The following DACH2 variants were observed in gnomAD, a reference collection of about 807,000 sequenced individuals.
DACH2 encodes dachshund family transcription factor 2.
A neutral mutation model predicts 35.8 loss-of-function variants in DACH2; 17 were observed. The ratio of observed to expected loss-of-function variants is 0.48; its 90% CI spans 0.33 to 0.71. The LOEUF is 0.71. DACH2 is among the 30% of genes least tolerant of loss of function. The probability of loss-of-function intolerance (pLI) is 0.02; values close to 1 mark genes in which losing one functional copy is unlikely to be tolerated. For missense variants in DACH2, 469 were observed against 472.7 expected (o/e 0.99, Z 0.07); for synonymous variants, 195 against 177.3 (o/e 1.10, Z -0.79).
chrX:86,763,382 G>T (rs1409251492), intron 7 of DACH2, among the ~76,000 whole-genome samples: 2 of 112,456 alleles, frequency 1.8e-5, no homozygotes, highest in Non-Finnish European at 3.8e-5. Flanking sequence ...TATACTTTAT[G>T]ATTTCAATTA....
intron 2 of DACH2, among the ~76,000 whole-genome samples, chrX:86,497,220 G>A (rs746527163): frequency 2.5e-4 from 28 of 111,815 alleles, no homozygotes; most frequent in African/African-American, 8.8e-4. Context: ...GAGTATGAGA[G>A]ATCACCAGCA....
chrX:86,572,031 T>A (rs189026012), intron 3 of DACH2, among the ~76,000 whole-genome samples: 93 of 111,094 alleles, frequency 8.4e-4, no homozygotes, highest in African/African-American at 3.0e-3. Context: ...TTTAAAAAAA[T>A]TCAAAGTTCA....
chrX:86,274,620 G>C (rs1284663185), intron 1 of DACH2, among the ~76,000 whole-genome samples: 3 of 105,504 alleles, frequency 2.8e-5, no homozygotes, highest in East Asian at 6.1e-4. Flanking sequence ...TCAGCCTCTC[G>C]AGTAGCTGGG....
At chrX:86,691,614 A>G (rs1328488178) in intron 4 of DACH2, among the ~76,000 whole-genome samples, 1 of 111,710 alleles carries the variant, frequency 9.0e-6, no homozygotes, top group African/African-American at 3.3e-5. Flanking sequence ...GTTACCAAGC[A>G]TGAACTCGCA....
intron 1 of DACH2, among the ~76,000 whole-genome samples, chrX:86,324,664 C>T (rs754644854): frequency 4.8e-4 from 49 of 102,357 alleles, no homozygotes; most frequent in Middle Eastern, 5.0e-3. Flanking sequence ...CTGCAAGCTC[C>T]GCCTCCCGGG....
rs143498519 is a variant in DACH2, at chrX:86,384,880, C to T, written c.527+8018C>T. Among the ~76,000 whole-genome samples, 434 of 111,405 alleles carry T rather than the reference C, an allele frequency of 3.9e-3. 1 individual carries two copies. The highest frequency in any genetic ancestry group is 9.4e-3 in the Middle Eastern group (2 of 213). On this transcript the variant is annotated intron_variant, in intron 2 of 11. Transcript: ENST00000373125. ...AAAGCTGTTAAAACATATAAAACAT[C>T]GAAGCCTGTTAATAACAGCAGCCAC... is the stretch of plus-strand genomic sequence containing the variant.
intron 5 of DACH2, among the ~76,000 whole-genome samples, chrX:86,698,645 A>ACCC (rs2041102238): frequency 1.0e-5 from 1 of 99,426 alleles, no homozygotes; most frequent in Admixed American, 1.1e-4. Flanking sequence ...CTCTCAACTA[A>ACCC]CCCCCTCCAT....
chrX:86,244,432 T>C (rs186704619), intron 1 of DACH2, among the ~76,000 whole-genome samples: 1,368 of 111,993 alleles, frequency 0.012, 30 homozygotes, highest in African/African-American at 0.042. Flanking sequence ...GAAGGAAGAA[T>C]AGAAGACAGA....
intron 1 of DACH2, among the ~76,000 whole-genome samples, chrX:86,283,174 A>G (rs955494586): frequency 9.1e-6 from 1 of 109,701 alleles, no homozygotes; most frequent in African/African-American, 3.3e-5. Flanking sequence ...CAAAACCACA[A>G]TGAAATACCA....
At position 86,278,905 on chromosome X, in the gene DACH2, A is replaced by G. The variant is rs751099940; in HGVS notation, c.489-97919A>G. On this transcript the variant is annotated intron_variant, in intron 1 of 11. Transcript: ENST00000373125. The stretch of plus-strand genomic sequence containing the variant: ...GTCTTGAGTAGGCAGTTTTCCCCTC[A>G]CAGTGTAAACAAAGCCTCCAGAAAG... 3.8e-3 allele frequency among the ~76,000 whole-genome samples: 421 copies of G among 111,934 alleles called. 1 individual carries two copies. The highest frequency in any genetic ancestry group is 5.3e-3 in the Non-Finnish European group (281 of 53,137).
intron 2 of DACH2, among the ~76,000 whole-genome samples, chrX:86,401,718 A>C (rs867298071): frequency 7.9e-5 from 7 of 88,831 alleles, no homozygotes; most frequent in Middle Eastern, 5.0e-3. Flanking sequence ...AGACAGTGAC[A>C]AAAAAAAAAA....
chrX:86,232,457 A>T (rs979713516), intron 1 of DACH2, among the ~76,000 whole-genome samples: 1 of 112,245 alleles, frequency 8.9e-6, no homozygotes, highest in Non-Finnish European at 1.9e-5. Flanking sequence ...CATCTGACAA[A>T]GGTCTAGTAT....
intron 1 of DACH2, among the ~76,000 whole-genome samples, chrX:86,289,462 G>A (rs2034225435): frequency 9.3e-6 from 1 of 107,896 alleles, no homozygotes; most frequent in Admixed American, 1.0e-4. Context: ...GGGAACATGT[G>A]CATAATGTGC....
chrX:86,399,454 TTGA>T (rs1391469816), intron 2 of DACH2, among the ~76,000 whole-genome samples: 6 of 111,891 alleles, frequency 5.4e-5, no homozygotes, highest in Non-Finnish European at 1.1e-4. Context: ...TGCTCGTTAG[TTGA>T]TGCAGTTTCT....
chrX:86,151,798 G>A (rs984228707), intron 1 of DACH2, among the ~76,000 whole-genome samples: 2 of 111,456 alleles, frequency 1.8e-5, no homozygotes, highest in Non-Finnish European at 3.8e-5. Flanking sequence ...TTTCTACTCA[G>A]TGAAAAGAAA....
intron 2 of DACH2, among the ~76,000 whole-genome samples, chrX:86,420,005 T>C (rs2036775987): frequency 8.9e-6 from 1 of 112,092 alleles, no homozygotes; most frequent in African/African-American, 3.2e-5. Flanking sequence ...AGTATGCACG[T>C]TGAAGCGTTA....
chrX:86,692,316 A>G (rs1219742464), intron 4 of DACH2, among the ~76,000 whole-genome samples: 4 of 111,120 alleles, frequency 3.6e-5, no homozygotes, highest in African/African-American at 1.3e-4. Context: ...TGCTGCACCC[A>G]TTAACTCGTC....
intron 7 of DACH2, among the ~76,000 whole-genome samples, chrX:86,767,485 G>C (rs1340993679): frequency 8.9e-6 from 1 of 111,749 alleles, no homozygotes; most frequent in Non-Finnish European, 1.9e-5. Flanking sequence ...GGTGGTCTGA[G>C]AATGTATTTG....
rs1458394254 is a variant in DACH2 at position 86,738,375 on chromosome X, G to T, written c.1105-1372G>T. 2.7e-5 allele frequency among the ~76,000 whole-genome samples: 3 copies of T among 111,320 alleles called. No homozygotes were observed. In the East Asian group the frequency reaches 8.4e-4, roughly 31 times the overall value. On this transcript the variant is annotated intron_variant, in intron 6 of 11. Coordinates refer to ENST00000373125, the MANE Select transcript of DACH2 (RefSeq NM_053281.3). ...AACAGTTTTTTAGGGGGGTTATTTG[G>T]GCTTCTCATGCAAAATCAATGTGGA... is the stretch of plus-strand genomic sequence containing the variant.
Sources: gnomAD v4.1 joint callset for allele counts (sites outside exome capture counted in the v4.1 genomes callset) on GRCh38, gnomAD v4.1.1 for gene constraint, MANE v1.5 for transcripts, NCBI Gene and HGNC (gene_info 2026-07-23, HGNC 2026-07-21) for gene names.